Variants in LRRC4C observed in about 807,000 individuals in gnomAD.
The protein encoded by LRRC4C is leucine rich repeat containing 4C.
LRRC4C carries 5 observed loss-of-function variants against 33.6 expected under a neutral mutation model. That is an observed-to-expected ratio of 0.15 (90% CI 0.08 to 0.31). The LOEUF is 0.31. LRRC4C is among the 10% of genes least tolerant of loss of function. The pLI is 1.00. For synonymous variants in LRRC4C, 329 were observed against 302.0 expected (o/e 1.09, Z -0.93); for missense variants, 560 against 796.7 (o/e 0.70, Z 3.58).
At chr11:40,828,150 CAT>C (rs1301046266) in intron 2 of LRRC4C, among the ~76,000 whole-genome samples, 1 of 51,262 alleles carries the variant, frequency 2.0e-5, no homozygotes, top group South Asian at 1.1e-3. Context: ...TGTATACAAA[CAT>C]ACACACACAC....
chr11:40,914,595 T>C (rs1052612816), intron 2 of LRRC4C, among the ~76,000 whole-genome samples: 1 of 152,188 alleles, frequency 6.6e-6, no homozygotes, highest in Non-Finnish European at 1.5e-5. Flanking sequence ...AATATCATAC[T>C]GAATGGGCAA....
At chr11:40,452,293 C>A (rs1308542655) in intron 3 of LRRC4C, among the ~76,000 whole-genome samples, 5 of 151,978 alleles carry the variant, frequency 3.3e-5, no homozygotes. Context: ...TGACAAAGGG[C>A]TAATATCCAG....
intron 1 of LRRC4C, among the ~76,000 whole-genome samples, chr11:41,199,775 T>C (rs1428106938): frequency 6.6e-6 from 1 of 152,142 alleles, no homozygotes; most frequent in African/African-American, 2.4e-5. Context: ...AATTTTACAC[T>C]AGCTGGACCT....
chr11:40,964,849 A>T (rs963699214), intron 1 of LRRC4C, among the ~76,000 whole-genome samples: 3 of 151,952 alleles, frequency 2.0e-5, no homozygotes, highest in Admixed American at 6.6e-5. Context: ...ATGTGTCTTT[A>T]TAGCAGCATG....
At chr11:40,480,900 A>G (rs970776823) in intron 3 of LRRC4C, among the ~76,000 whole-genome samples, 3 of 151,998 alleles carry the variant, frequency 2.0e-5, no homozygotes, top group African/African-American at 4.8e-5. Flanking sequence ...AGAAGCAGAG[A>G]GAAGAATGGT....
intron 2 of LRRC4C, among the ~76,000 whole-genome samples, chr11:40,859,553 G>C (rs576828056): frequency 2.0e-4 from 31 of 152,074 alleles, no homozygotes; most frequent in African/African-American, 7.5e-4. Flanking sequence ...TTCTCAAAAA[G>C]TTAAGCACAG....
chr11:41,183,735 C>G (rs12794395), intron 1 of LRRC4C, among the ~76,000 whole-genome samples: 1 of 152,194 alleles, frequency 6.6e-6, no homozygotes, highest in Admixed American at 6.5e-5. Context: ...CTGGGCAGTG[C>G]CCCTGTAGGA....
intron 3 of LRRC4C, among the ~76,000 whole-genome samples, chr11:40,417,941 A>G (rs889798594): frequency 1.1e-4 from 17 of 152,236 alleles, no homozygotes; most frequent in Admixed American, 3.3e-4. Flanking sequence ...TGTAATGTGT[A>G]GTAATAATGC....
chr11:40,262,289 C>A (rs186029908), intron 4 of LRRC4C, among the ~76,000 whole-genome samples: 1 of 152,176 alleles, frequency 6.6e-6, no homozygotes, highest in Non-Finnish European at 1.5e-5. Context: ...TATTATACCA[C>A]CTCACACCAG....
chr11:41,332,650 T>C (rs1008892001), intron 1 of LRRC4C, among the ~76,000 whole-genome samples: 1 of 152,234 alleles, frequency 6.6e-6, no homozygotes, highest in African/African-American at 2.4e-5. Context: ...TTATATTTCA[T>C]AAGTTGTTTT....
intron 2 of LRRC4C, among the ~76,000 whole-genome samples, chr11:40,774,225 A>T (rs1450163785): frequency 6.6e-6 from 1 of 152,080 alleles, no homozygotes; most frequent in Non-Finnish European, 1.5e-5. Context: ...GATATACCAC[A>T]CTTAAATTGT....
At chr11:41,305,922 AT>A (rs60830251) in intron 1 of LRRC4C, among the ~76,000 whole-genome samples, 74,431 of 140,726 alleles carry the variant, frequency 0.53, 20,569 homozygotes, top group East Asian at 0.71. Flanking sequence ...TTAAAAAAAA[AT>A]AATAAAATAA....
intron 3 of LRRC4C, among the ~76,000 whole-genome samples, chr11:40,403,459 T>C (rs1187578043): frequency 6.6e-6 from 1 of 152,130 alleles, no homozygotes; most frequent in Admixed American, 6.6e-5. Context: ...ATATAGTTTG[T>C]CTGAAAATTG....
intron 1 of LRRC4C, among the ~76,000 whole-genome samples, chr11:41,060,926 C>T (rs1405390679): frequency 6.6e-6 from 1 of 152,074 alleles, no homozygotes; most frequent in Non-Finnish European, 1.5e-5. Flanking sequence ...TCTCTGTTCC[C>T]AATACCACAA....
At chr11:40,897,135 G>C (rs1225284527) in intron 2 of LRRC4C, among the ~76,000 whole-genome samples, 1 of 152,100 alleles carries the variant, frequency 6.6e-6, no homozygotes, top group South Asian at 2.1e-4. Flanking sequence ...TTGTCTCATC[G>C]ATGTTTCCTC....
chr11:40,634,290 G>C (rs1215844595), intron 3 of LRRC4C, among the ~76,000 whole-genome samples: 2 of 152,048 alleles, frequency 1.3e-5, no homozygotes, highest in Non-Finnish European at 2.9e-5. Flanking sequence ...AAGAAGCTTC[G>C]CTTTCCACAG....
intron 5 of LRRC4C, among the ~76,000 whole-genome samples, chr11:40,226,233 A>G (rs1864784602): frequency 6.6e-6 from 1 of 152,200 alleles, no homozygotes; most frequent in African/African-American, 2.4e-5. Flanking sequence ...GACTCAGATG[A>G]GTCTCCTAGT....
At chr11:41,241,275 C>T (rs1284117501) in intron 1 of LRRC4C, among the ~76,000 whole-genome samples, 1 of 152,100 alleles carries the variant, frequency 6.6e-6, no homozygotes, top group African/African-American at 2.4e-5. Flanking sequence ...CTATCATATC[C>T]TGGTGTTCAA....
chr11:41,115,372 C>CT (rs1942060083), intron 1 of LRRC4C, among the ~76,000 whole-genome samples: 1 of 149,632 alleles, frequency 6.7e-6, no homozygotes, highest in African/African-American at 2.4e-5. Context: ...TATATCCCCC[C>CT]ATCTTTTTTT....
Sources: allele counts gnomAD v4.1 joint callset (sites outside exome capture counted in the v4.1 genomes callset), GRCh38; gene constraint gnomAD v4.1.1; transcripts MANE v1.5; gene names NCBI Gene and HGNC (gene_info 2026-07-23, HGNC 2026-07-21).